Variants in EPB41L5 observed in about 807,000 individuals in gnomAD.
The protein encoded by EPB41L5 is erythrocyte membrane protein band 4.1 like 5.
Under a neutral mutation model 106.6 loss-of-function variants are expected in EPB41L5, and 55 were observed. The ratio of observed to expected loss-of-function variants is 0.52; its 90% CI spans 0.42 to 0.65. The LOEUF (loss-of-function observed/expected upper bound fraction) is 0.65. EPB41L5 is among the 30% of genes least tolerant of loss of function. The pLI is 0.00. For missense variants in EPB41L5, 871 were observed against 882.1 expected, an observed-to-expected ratio of 0.99 and a Z score of 0.16; for synonymous variants, 297 against 306.7, an observed-to-expected ratio of 0.97 and a Z score of 0.33.
At chr2:120,086,321 T>G (rs1159341059) in intron 10 of EPB41L5, among the ~76,000 whole-genome samples, 2 of 152,226 alleles carry the variant, frequency 1.3e-5, no homozygotes, top group Non-Finnish European at 2.9e-5. Context: ...TCACATTGTT[T>G]CGACATTCAC....
In EPB41L5 at chr2:120,131,704, A is replaced by G. The variant is rs1266956067; in HGVS notation, c.1588A>G (p.Ile530Val). 47 of 1,612,972 alleles carry G rather than the reference A, an allele frequency of 2.9e-5. 1 individual carries two copies. The highest frequency in any genetic ancestry group is 4.5e-5 in the East Asian group (2 of 44,886). The change falls in exon 18 of 25, where the codon ATA (isoleucine) becomes GTA (valine). Residue 530 changes from isoleucine to valine, a missense_variant. Physicochemically the swap from Ile to Val is conservative, Grantham distance 29. Transcript: ENST00000263713. ...LSPRSNIDVN[I>V]NSQEEVVKLT... ...CCCTCGATCCAACATCGATGTTAACATAAACAGCCAGGTATTCAGATTTCC... is the reference window on the plus strand; with the variant it reads ...CCCTCGATCCAACATCGATGTTAACGTAAACAGCCAGGTATTCAGATTTCC...
At chr2:120,160,734 T>A (rs1687104138) in intron 20 of EPB41L5, 147 bp from the exon 21 acceptor site, 2 of 610,624 alleles carry the variant, frequency 3.3e-6, no homozygotes, top group African/African-American at 3.7e-5. Context: ...TAGTTTGGAT[T>A]TACATTTCCC....
chr2:120,124,984 G>A (rs866735563), intron 16 of EPB41L5, among the ~76,000 whole-genome samples: 10 of 152,210 alleles, frequency 6.6e-5, no homozygotes, highest in African/African-American at 9.6e-5. Context: ...TTTTAAGACC[G>A]AATGGATTTC....
At chr2:120,032,420 G>A (rs1396620791) in intron 2 of EPB41L5, among the ~76,000 whole-genome samples, 1 of 152,172 alleles carries the variant, frequency 6.6e-6, no homozygotes, top group Non-Finnish European at 1.5e-5. Context: ...GAAATAGGCT[G>A]TGATATGTAA....
intron 3 of EPB41L5, among the ~76,000 whole-genome samples, chr2:120,053,461 C>A (rs1680424723): frequency 6.6e-6 from 1 of 152,154 alleles, no homozygotes; most frequent in Admixed American, 6.5e-5. Context: ...ATTTTCATCA[C>A]CCCCAAAGAA....
At chr2:120,148,454 G>A (rs1176049894) in intron 20 of EPB41L5, among the ~76,000 whole-genome samples, 1 of 151,250 alleles carries the variant, frequency 6.6e-6, no homozygotes, top group Non-Finnish European at 1.5e-5. Context: ...GTATTATAGT[G>A]AGTATGAAGG....
chr2:120,098,924 A>T (rs956536673), intron 14 of EPB41L5, among the ~76,000 whole-genome samples: 1 of 152,252 alleles, frequency 6.6e-6, no homozygotes, highest in African/African-American at 2.4e-5. Context: ...GTAGAATGAC[A>T]TGTTGGCTGG....
intron 3 of EPB41L5, among the ~76,000 whole-genome samples, chr2:120,054,983 C>T (rs1680547992): frequency 6.6e-6 from 1 of 151,540 alleles, no homozygotes; most frequent in Admixed American, 6.6e-5. Flanking sequence ...TCTCCTGCCT[C>T]AGCCTCCCAA....
At chr2:120,067,941 T>A (rs1463588429) in intron 3 of EPB41L5, among the ~76,000 whole-genome samples, 3 of 152,212 alleles carry the variant, frequency 2.0e-5, no homozygotes, top group African/African-American at 7.2e-5. Flanking sequence ...TCATCCTTGT[T>A]ACTGAGGGAG....
chr2:120,101,204 T>C (rs879403188), intron 16 of EPB41L5, among the ~76,000 whole-genome samples: 3 of 152,206 alleles, frequency 2.0e-5, no homozygotes, highest in Admixed American at 2.0e-4. Context: ...CACAACATGA[T>C]GCTACTTTGA....
intron 3 of EPB41L5, among the ~76,000 whole-genome samples, chr2:120,069,505 C>G (rs541584067): frequency 2.0e-5 from 3 of 152,278 alleles, no homozygotes; most frequent in African/African-American, 7.2e-5. Flanking sequence ...CACCCCAGAT[C>G]AGCAGAATAT....
intron 16 of EPB41L5, among the ~76,000 whole-genome samples, chr2:120,122,654 T>C (rs1685274756): frequency 6.6e-6 from 1 of 152,218 alleles, no homozygotes; most frequent in Non-Finnish European, 1.5e-5. Flanking sequence ...GTCTTGGCAA[T>C]GTGGGCTCTT....
At chr2:120,079,227 C>T (rs907360625) in intron 10 of EPB41L5, among the ~76,000 whole-genome samples, 4 of 152,168 alleles carry the variant, frequency 2.6e-5, no homozygotes, top group African/African-American at 9.7e-5. Flanking sequence ...CCTCTGGCAT[C>T]AAACTCAAAT....
At position 120,073,135 on chromosome 2, in the gene EPB41L5, G is replaced by A. The variant is rs369744275; in HGVS notation, c.286-43G>A. ...TTTAGTAATTCATTCAAATTTTAAA[G>A]TTCTGTCATCTGCTTAACTAAATTT... On this transcript the variant is annotated intron_variant, in intron 3 of 24. Transcript: ENST00000263713. 6.9e-5 allele frequency: 109 copies of A among 1,568,934 alleles called. No homozygotes were observed. In the African/African-American group the frequency reaches 8.2e-4, roughly 12 times the overall value.
intron 3 of EPB41L5, among the ~76,000 whole-genome samples, chr2:120,059,754 A>G (rs1216752583): frequency 6.6e-6 from 1 of 152,044 alleles, no homozygotes; most frequent in East Asian, 1.9e-4. Flanking sequence ...AAAAACAAAA[A>G]AAGTCTGCTG....
At chr2:120,129,977 C>A (rs532470702) in intron 17 of EPB41L5, among the ~76,000 whole-genome samples, 1 of 152,116 alleles carries the variant, frequency 6.6e-6, no homozygotes, top group African/African-American at 2.4e-5. Context: ...AAAACCCAGT[C>A]TCTACTAAAA....
intron 3 of EPB41L5, among the ~76,000 whole-genome samples, chr2:120,062,180 C>T (rs536161605): frequency 5.3e-5 from 8 of 152,128 alleles, no homozygotes; most frequent in African/African-American, 7.2e-5. Context: ...CAAATGATTG[C>T]ATTGTATTCA....
chr2:120,131,917 T>C (rs1299820013), intron 18 of EPB41L5, among the ~76,000 whole-genome samples: 1 of 151,994 alleles, frequency 6.6e-6, no homozygotes, highest in African/African-American at 2.4e-5. Context: ...GCAAAGTGAA[T>C]TGTAAGGTGA....
intron 16 of EPB41L5, among the ~76,000 whole-genome samples, chr2:120,112,632 C>T (rs755282184): frequency 3.3e-5 from 5 of 152,130 alleles, no homozygotes; most frequent in South Asian, 2.1e-4. Flanking sequence ...TAAATCATTA[C>T]GGGCCCAGGG....
Sources: gnomAD v4.1 joint callset for allele counts (sites outside exome capture counted in the v4.1 genomes callset) on GRCh38, gnomAD v4.1.1 for gene constraint, MANE v1.5 for transcripts, NCBI Gene and HGNC (gene_info 2026-07-23, HGNC 2026-07-21) for gene names.